The following RNF130 variants were observed in gnomAD, a reference collection of about 807,000 sequenced individuals.
RNF130 encodes the protein ring finger protein 130.
A neutral mutation model predicts 44.6 loss-of-function variants in RNF130; 21 were observed. The observed-to-expected ratio is 0.47, with a 90% CI of 0.33 to 0.68. The LOEUF is 0.68. Among genes scored for constraint, RNF130 ranks in the 30% least tolerant of loss-of-function variants. The pLI is 0.02. For missense variants in RNF130, 479 were observed against 560.6 expected, an observed-to-expected ratio of 0.85 and a Z score of 1.47; for synonymous variants, 214 against 210.4, an observed-to-expected ratio of 1.02 and a Z score of -0.15.
At chr5:179,936,037 C>T (rs966105759) in intron 7 of RNF130, among the ~76,000 whole-genome samples, 4 of 152,220 alleles carry the variant, frequency 2.6e-5, no homozygotes, top group African/African-American at 7.2e-5. Flanking sequence ...CCTGCATCTC[C>T]GTGTTTCCAT....
intron 1 of RNF130, among the ~76,000 whole-genome samples, chr5:180,048,903 T>C (rs1207113416): frequency 6.6e-6 from 1 of 152,238 alleles, no homozygotes; most frequent in Non-Finnish European, 1.5e-5. Context: ...TCTTCACTTC[T>C]GTGCAGCTCA....
chr5:180,002,446 G>A (rs1244145923), intron 3 of RNF130, among the ~76,000 whole-genome samples: 1 of 152,186 alleles, frequency 6.6e-6, no homozygotes, highest in South Asian at 2.1e-4. Flanking sequence ...ACACACTTCA[G>A]TCACAGCTCC....
chr5:179,938,104 G>A (rs767426796), intron 7 of RNF130, among the ~76,000 whole-genome samples: 3 of 152,046 alleles, frequency 2.0e-5, no homozygotes, highest in East Asian at 1.9e-4. Flanking sequence ...CTACAGGTAC[G>A]CGGCACCACG....
chr5:179,934,540 CTT>C (rs140004601), intron 7 of RNF130, among the ~76,000 whole-genome samples: 30 of 126,344 alleles, frequency 2.4e-4, no homozygotes, highest in Non-Finnish European at 3.4e-4. Flanking sequence ...CTTTTCTTTC[CTT>C]TTTTTTTTTT....
chr5:179,935,849 T>C (rs1289178435), intron 7 of RNF130, among the ~76,000 whole-genome samples: 4 of 152,102 alleles, frequency 2.6e-5, no homozygotes, highest in Non-Finnish European at 5.9e-5. Context: ...TATAAATGAG[T>C]ACTTTGACTC....
intron 3 of RNF130, among the ~76,000 whole-genome samples, chr5:179,989,115 C>T (rs1236621957): frequency 6.6e-6 from 1 of 152,206 alleles, no homozygotes; most frequent in Non-Finnish European, 1.5e-5. Context: ...CACCTCTTCA[C>T]AGGGCAGCAG....
chr5:179,979,002 CAG>C (rs961489525), intron 4 of RNF130, among the ~76,000 whole-genome samples: 1 of 152,180 alleles, frequency 6.6e-6, no homozygotes, highest in African/African-American at 2.4e-5. Flanking sequence ...GACTGAAACT[CAG>C]TGGACAACTC....
In RNF130 at chr5:179,966,957, T is replaced by C; in HGVS notation, c.999A>G (p.Arg333=). ...CTGATCTTCGGTTAACAGCTTGGGT[T>C]CTGGTGAGCCTTTCCATATCGAATG... ...NVAFDMERLT[R]TQAVNRRSAL... is the part of the protein sequence containing the mutation. Residue 333 remains arginine (R), a synonymous_variant, in exon 7 of 9, where the codon AGA becomes AGG. Coordinates refer to ENST00000521389, the MANE Select transcript of RNF130 (RefSeq NM_018434.6). The C allele has an allele frequency of 1.2e-6, 2 of 1,614,256 alleles. No individual in the cohort carries two copies. Among genetic ancestry groups the C allele is most frequent in the Non-Finnish European group, 1.7e-6 (2 of 1,180,042 alleles).
chr5:180,028,233 C>T (rs1395911258), intron 2 of RNF130, among the ~76,000 whole-genome samples: 1 of 152,126 alleles, frequency 6.6e-6, no homozygotes, highest in Non-Finnish European at 1.5e-5. Flanking sequence ...TAAGTCACTT[C>T]CCACAGTCAT....
intron 3 of RNF130, among the ~76,000 whole-genome samples, chr5:180,010,464 A>G (rs1763566949): frequency 6.6e-6 from 1 of 152,062 alleles, no homozygotes; most frequent in South Asian, 2.1e-4. Flanking sequence ...AGTTCAAGCA[A>G]TTCTCGTGCT....
intron 7 of RNF130, among the ~76,000 whole-genome samples, chr5:179,930,247 G>A (rs925811335): frequency 8.6e-5 from 13 of 151,974 alleles, no homozygotes; most frequent in Admixed American, 3.3e-4. Flanking sequence ...TAGTAGAGAT[G>A]GGGTTTCACC....
exon 8 of RNF130, chr5:179,913,607 G>A (rs1376823125): frequency 6.6e-6 from 1 of 152,190 alleles, no homozygotes; most frequent in Non-Finnish European, 1.5e-5. Context: ...GAGGCTGTGG[G>A]GCCATAGCTG....
chr5:179,938,239 C>T lies in RNF130; in HGVS notation c.1151-17813G>A, dbSNP rs145377805. On this transcript the variant is annotated intron_variant, in intron 7 of 7. Coordinates refer to the RNF130 transcript ENST00000522208. ...TCTCAAAGTACTGGGATCACAGGCA[C>T]GAGTCACCGCGCCCAACCCTTTCAA... Among the ~76,000 whole-genome samples, 1,088 of 152,150 alleles carry T rather than the reference C, an allele frequency of 7.2e-3. 16 individuals carry two copies. The highest frequency in any genetic ancestry group is 0.024 in the African/African-American group (1,016 of 41,486).
At chr5:180,066,521 A>AAGTTTGTT (rs1205443226) in intron 1 of RNF130, among the ~76,000 whole-genome samples, 1 of 152,194 alleles carries the variant, frequency 6.6e-6, no homozygotes, top group Admixed American at 6.5e-5. Context: ...ATAGTCTAGC[A>AAGTTTGTT]AGTTTGTTTA....
intron 7 of RNF130, among the ~76,000 whole-genome samples, chr5:179,937,261 C>T (rs1761904638): frequency 6.6e-6 from 1 of 152,058 alleles, no homozygotes; most frequent in Admixed American, 6.6e-5. Flanking sequence ...AAAACGAATA[C>T]ACAACTTATA....
intron 1 of RNF130, among the ~76,000 whole-genome samples, chr5:180,063,863 T>C (rs193158860): frequency 6.6e-6 from 1 of 152,294 alleles, no homozygotes; most frequent in African/African-American, 2.4e-5. Context: ...TACAAAATTA[T>C]TTTTGGAAGA....
intron 3 of RNF130, among the ~76,000 whole-genome samples, chr5:180,008,939 T>C (rs1006788583): frequency 6.6e-6 from 1 of 151,556 alleles, no homozygotes; most frequent in African/African-American, 2.4e-5. Flanking sequence ...AATAACATAC[T>C]TCTCAGTAAT....
chr5:180,046,343 C>T (rs374946938), intron 1 of RNF130, among the ~76,000 whole-genome samples: 4 of 152,166 alleles, frequency 2.6e-5, no homozygotes, highest in Middle Eastern at 3.4e-3. Flanking sequence ...GACACCAAGG[C>T]GAGGAGGCAC....
At chr5:180,019,314 G>A (rs1207853707) in intron 2 of RNF130, among the ~76,000 whole-genome samples, 2 of 151,796 alleles carry the variant, frequency 1.3e-5, no homozygotes, top group African/African-American at 4.8e-5. Flanking sequence ...AACCCGGGAG[G>A]CGGAGCTTGC....
Sources: allele counts gnomAD v4.1 joint callset (sites outside exome capture counted in the v4.1 genomes callset), GRCh38; gene constraint gnomAD v4.1.1; transcripts MANE v1.5; gene names NCBI Gene and HGNC (gene_info 2026-07-23, HGNC 2026-07-21).